Variants in NMNAT2 observed in about 807,000 individuals in gnomAD.
NMNAT2 encodes the protein nicotinamide/nicotinic acid mononucleotide adenylyltransferase 2.
A neutral mutation model predicts 41.6 loss-of-function variants in NMNAT2; 11 were observed. The observed-to-expected ratio is 0.26, with a 90% CI of 0.17 to 0.44. The LOEUF (loss-of-function observed/expected upper bound fraction) is 0.44. NMNAT2 is among the 20% of genes least tolerant of loss of function. NMNAT2 has a pLI of 1.00. For missense variants in NMNAT2, 288 were observed against 407.7 expected (o/e 0.71, Z 2.53); for synonymous variants, 148 against 151.2 (o/e 0.98, Z 0.16).
intron 1 of NMNAT2, among the ~76,000 whole-genome samples, chr1:183,403,234 AAAC>A (rs1427889832): frequency 6.6e-6 from 1 of 152,242 alleles, no homozygotes; most frequent in East Asian, 1.9e-4. Flanking sequence ...GCACCCGGCC[AAAC>A]AACATCATAT....
chr1:183,312,279 T>TG (rs1418654445), intron 1 of NMNAT2, among the ~76,000 whole-genome samples: 1 of 151,282 alleles, frequency 6.6e-6, no homozygotes, highest in Non-Finnish European at 1.5e-5. Context: ...TTTTTTTTTT[T>TG]GAAATGAGGT....
intron 1 of NMNAT2, among the ~76,000 whole-genome samples, chr1:183,391,812 G>T (rs1290853327): frequency 6.6e-6 from 1 of 152,150 alleles, no homozygotes; most frequent in Non-Finnish European, 1.5e-5. Context: ...AGAAATGTCT[G>T]ACATGATTGA....
At position 183,297,408 on chromosome 1, in the gene NMNAT2, G is replaced by C. The variant is rs1047198785; in HGVS notation, c.86-3615C>G. ...CTTTTTTTTTTTTTTTTGAGACGGAGTTTCGCTCTTGTTGCCCAGGCTGGA... is the reference window on the plus strand; with the variant it reads ...CTTTTTTTTTTTTTTTTGAGACGGACTTTCGCTCTTGTTGCCCAGGCTGGA... On this transcript the variant is annotated intron_variant, in intron 1 of 10. Transcript: ENST00000287713. 3.3e-4 allele frequency among the ~76,000 whole-genome samples: 48 copies of C among 146,442 alleles called. 1 individual carries two copies. Among genetic ancestry groups the C allele is most frequent in the African/African-American group, 1.2e-3 (47 of 39,430 alleles).
At chr1:183,366,155 T>A (rs1316325990) in intron 1 of NMNAT2, among the ~76,000 whole-genome samples, 1 of 152,172 alleles carries the variant, frequency 6.6e-6, no homozygotes, top group East Asian at 1.9e-4. Flanking sequence ...ATGGCAGAAA[T>A]TATCATTGTA....
intron 1 of NMNAT2, among the ~76,000 whole-genome samples, chr1:183,321,687 T>C (rs1003850432): frequency 6.6e-6 from 1 of 151,678 alleles, no homozygotes. Context: ...GATTGCAAGA[T>C]TGTGCCACTG....
Position 183,252,599 on chromosome 1 carries a change from A to G in NMNAT2, c.*42T>C, listed in dbSNP as rs1425989906. 7 of 1,345,050 alleles carry G rather than the reference A, an allele frequency of 5.2e-6. No individual in the cohort carries two copies. Among genetic ancestry groups the G allele is most frequent in the South Asian group, 2.3e-5 (2 of 85,758 alleles). The allele number at this position is 1,345,050 out of a possible 1,614,324, so 83.3% of individuals were successfully genotyped here. A position where few individuals can be genotyped will look rare whatever the true frequency, so the allele number is the denominator to read the frequency against. On this transcript the variant is annotated 3_prime_UTR_variant, in exon 11 of 11. Coordinates refer to ENST00000287713, the MANE Select transcript of NMNAT2 (RefSeq NM_015039.4). ...GGCAGGAGAGAAACAGGGGGCTGAC[A>G]AAGATGGAGGGGCCATTGTGTTGCC...
intron 5 of NMNAT2, among the ~76,000 whole-genome samples, chr1:183,286,026 C>T (rs1467959367): frequency 6.6e-6 from 1 of 152,108 alleles, no homozygotes; most frequent in African/African-American, 2.4e-5. Context: ...GAGAAAAATG[C>T]TCCATTTTGT....
intron 1 of NMNAT2, among the ~76,000 whole-genome samples, chr1:183,366,944 C>T (rs1419642597): frequency 6.6e-6 from 1 of 152,148 alleles, no homozygotes; most frequent in Non-Finnish European, 1.5e-5. Flanking sequence ...TATCTAAGCA[C>T]CACCCCCAGT....
At chr1:183,410,726 A>G (rs1232043585) in intron 1 of NMNAT2, among the ~76,000 whole-genome samples, 1 of 148,910 alleles carries the variant, frequency 6.7e-6, no homozygotes, top group Non-Finnish European at 1.5e-5. Flanking sequence ...CCAGAATGCC[A>G]TTCTCTCTCT....
In NMNAT2 at chr1:183,290,329, T is replaced by C. The variant is rs188134218; in HGVS notation, c.243-123A>G. 3.4e-5 allele frequency: 24 copies of C among 701,702 alleles called. No homozygotes were observed. In the African/African-American group the frequency reaches 3.6e-4, roughly 11 times the overall value. 43.5% of individuals were successfully genotyped at this position (701,702 alleles called of 1,614,324 possible). The stretch of plus-strand genomic sequence containing the variant: ...CTGGCCATACCATGCGCTTAGATCT[T>C]GAATCAGATAAAACCTGGGTGTGAA... On this transcript the variant is annotated intron_variant, in intron 3 of 10. Coordinates refer to ENST00000287713, the MANE Select transcript of NMNAT2 (RefSeq NM_015039.4).
chr1:183,416,891 A>G (rs751120843), intron 1 of NMNAT2, among the ~76,000 whole-genome samples: 5 of 152,006 alleles, frequency 3.3e-5, no homozygotes, highest in Non-Finnish European at 7.4e-5. Flanking sequence ...CTCCGGATAA[A>G]CACGTGTGCC....
At chr1:183,328,503 G>A (rs979398842) in intron 1 of NMNAT2, among the ~76,000 whole-genome samples, 1 of 152,228 alleles carries the variant, frequency 6.6e-6, no homozygotes, top group African/African-American at 2.4e-5. Flanking sequence ...TCCTTTCTGA[G>A]GGAGATGGTG....
Position 183,284,900 on chromosome 1 carries a change from G to A in NMNAT2, c.449-110C>T, listed in dbSNP as rs983099852. On this transcript the variant is annotated intron_variant, in intron 5 of 10. Transcript: ENST00000287713. The stretch of plus-strand genomic sequence containing the variant: ...GCTGTAAACATCAGGGTGCATGGAC[G>A]GGGCAGGAGTGGGGAGCAGGAGGTA... The A allele has an allele frequency of 1.1e-5, 9 of 835,274 alleles. No individual in the cohort carries two copies. The African/African-American group carries it at 1.2e-4, about 11-fold the overall frequency. The allele number at this position is 835,274 out of a possible 1,614,324, so 51.7% of individuals were successfully genotyped here. A position where few individuals can be genotyped will look rare whatever the true frequency, so the allele number is the denominator to read the frequency against.
At chr1:183,265,172 CAAAT>C (rs56266739) in intron 8 of NMNAT2, among the ~76,000 whole-genome samples, 146,084 of 151,252 alleles carry the variant, frequency 0.97, 70,735 homozygotes, top group Non-Finnish European at 1. Flanking sequence ...CTAACATAAA[CAAAT>C]AGTTAAACCA....
intron 1 of NMNAT2, among the ~76,000 whole-genome samples, chr1:183,307,321 T>G (rs1390479378): frequency 6.6e-6 from 1 of 151,980 alleles, no homozygotes; most frequent in Non-Finnish European, 1.5e-5. Context: ...TTTTTTTTTT[T>G]TTGAGATGGA....
At chr1:183,254,306 A>G (rs1212628067) in intron 10 of NMNAT2, among the ~76,000 whole-genome samples, 1 of 152,066 alleles carries the variant, frequency 6.6e-6, no homozygotes, top group East Asian at 1.9e-4. Flanking sequence ...GAATCTCATA[A>G]TGCCTTTAAT....
At chr1:183,414,405 G>A (rs926191340) in intron 1 of NMNAT2, among the ~76,000 whole-genome samples, 1 of 152,268 alleles carries the variant, frequency 6.6e-6, no homozygotes, top group Admixed American at 6.5e-5. Flanking sequence ...CTTGCTCTCT[G>A]ACTTCCCAGT....
intron 1 of NMNAT2, among the ~76,000 whole-genome samples, chr1:183,303,599 T>C (rs528793334): frequency 1.3e-5 from 2 of 152,298 alleles, no homozygotes; most frequent in African/African-American, 4.8e-5. Flanking sequence ...ATCCTTTCGT[T>C]CCAGTCTGGA....
chr1:183,349,025 A>G (rs1662990896), intron 1 of NMNAT2, among the ~76,000 whole-genome samples: 1 of 152,230 alleles, frequency 6.6e-6, no homozygotes, highest in Non-Finnish European at 1.5e-5. Context: ...TGTCCACTGC[A>G]GAGTGTTACC....
Sources: gnomAD v4.1 joint callset for allele counts (sites outside exome capture counted in the v4.1 genomes callset) on GRCh38, gnomAD v4.1.1 for gene constraint, MANE v1.5 for transcripts, NCBI Gene and HGNC (gene_info 2026-07-23, HGNC 2026-07-21) for gene names.